The following CYP7B1 variants were observed in gnomAD, a reference collection of about 807,000 sequenced individuals.
CYP7B1 encodes cytochrome P450 family 7 subfamily B member 1.
In CYP7B1, 29 loss-of-function variants were observed where a neutral mutation model predicts 42.7. That is an observed-to-expected ratio of 0.68 (90% CI 0.51 to 0.93). The LOEUF is 0.93. CYP7B1 is among the 40% of genes least tolerant of loss of function. CYP7B1 has a pLI of 0.00. For missense variants in CYP7B1, 655 were observed against 600.5 expected (o/e 1.09, Z -0.95); for synonymous variants, 235 against 218.2 (o/e 1.08, Z -0.68).
chr8:64,789,429 C>A (rs1392020972), intron 1 of CYP7B1, among the ~76,000 whole-genome samples: 7 of 152,156 alleles, frequency 4.6e-5, no homozygotes, highest in Non-Finnish European at 7.3e-5. Context: ...CTTGATAAGG[C>A]AGTAAGAGTC....
chr8:64,714,653 A>G (rs921644210), intron 1 of CYP7B1, among the ~76,000 whole-genome samples: 1 of 152,196 alleles, frequency 6.6e-6, no homozygotes, highest in Non-Finnish European at 1.5e-5. Context: ...TCTAAGGTCA[A>G]TCCTCAGTGA....
At chr8:64,665,870 C>T (rs1374726583) in intron 1 of CYP7B1, among the ~76,000 whole-genome samples, 3 of 151,978 alleles carry the variant, frequency 2.0e-5, no homozygotes, top group Non-Finnish European at 4.4e-5. Context: ...GCCACCACGC[C>T]CTGCTTAAGT....
intron 1 of CYP7B1, among the ~76,000 whole-genome samples, chr8:64,791,163 A>G (rs1213693555): frequency 1.3e-5 from 2 of 152,206 alleles, no homozygotes; most frequent in Non-Finnish European, 2.9e-5. Flanking sequence ...ATATGAGACA[A>G]TAAATTTCTA....
At chr8:64,672,255 C>T (rs2129631713) in intron 1 of CYP7B1, among the ~76,000 whole-genome samples, 1 of 152,226 alleles carries the variant, frequency 6.6e-6, no homozygotes, top group East Asian at 1.9e-4. Flanking sequence ...TTACACCAAC[C>T]TGGAACTGGA....
At chr8:64,600,707 A>T (rs1805189141) in intron 5 of CYP7B1, among the ~76,000 whole-genome samples, 1 of 152,140 alleles carries the variant, frequency 6.6e-6, no homozygotes, top group Non-Finnish European at 1.5e-5. Flanking sequence ...TAGTAACATG[A>T]AATTGGCCAA....
chr8:64,612,961 GTAAC>G (rs1463420384), intron 4 of CYP7B1, among the ~76,000 whole-genome samples: 2 of 152,070 alleles, frequency 1.3e-5, no homozygotes, highest in East Asian at 3.9e-4. Context: ...TATTTGTTGT[GTAAC>G]TAATTCACAT....
At chr8:64,602,633 T>C (rs1805219629) in intron 5 of CYP7B1, among the ~76,000 whole-genome samples, 1 of 152,156 alleles carries the variant, frequency 6.6e-6, no homozygotes, top group Admixed American at 6.5e-5. Context: ...TCAAGGTATG[T>C]TGGATACAAA....
chr8:64,798,419 C>G, intron 1 of CYP7B1, 47 bp downstream of exon 1: 1 of 1,453,308 alleles, frequency 6.9e-7, no homozygotes, highest in Non-Finnish European at 9.0e-7. Context: ...CGCGCGCGGC[C>G]CGCGGGGCCC....
intron 1 of CYP7B1, among the ~76,000 whole-genome samples, chr8:64,659,865 A>G (rs1181161042): frequency 6.6e-6 from 1 of 152,186 alleles, no homozygotes; most frequent in Non-Finnish European, 1.5e-5. Context: ...AGTTTGTAAG[A>G]GATGTACAGG....
At chr8:64,687,622 G>A (rs1462270710) in intron 1 of CYP7B1, among the ~76,000 whole-genome samples, 1 of 152,176 alleles carries the variant, frequency 6.6e-6, no homozygotes, top group East Asian at 1.9e-4. Context: ...AAAACAAAAT[G>A]TGATAACACC....
downstream of CYP7B1, among the ~76,000 whole-genome samples, chr8:64,588,437 A>C (rs1363823902): frequency 6.6e-6 from 1 of 152,252 alleles, no homozygotes; most frequent in Non-Finnish European, 1.5e-5. Flanking sequence ...TCAATCTTAA[A>C]GATTTCATTT....
At chr8:64,674,127 A>C (rs1806407920) in intron 1 of CYP7B1, among the ~76,000 whole-genome samples, 1 of 152,116 alleles carries the variant, frequency 6.6e-6, no homozygotes, top group Non-Finnish European at 1.5e-5. Flanking sequence ...CTTCAACCTA[A>C]TTAACTTTGT....
At position 64,727,235 on chromosome 8, in the gene CYP7B1, T is replaced by C. The variant is rs1807337984; in HGVS notation, c.122+71231A>G. ...CAGTATTATAAAGGCTCTCAATTCA[T>C]TTTCCTTCATTTGAGAGCCTAAATT... On this transcript the variant is annotated intron_variant, in intron 1 of 5. Transcript: ENST00000310193. Among the ~76,000 whole-genome samples, 3 of 152,204 alleles carry C rather than the reference T, an allele frequency of 2.0e-5. No individual in the cohort carries two copies. The South Asian group carries it at 6.2e-4, about 32-fold the overall frequency.
chr8:64,615,129 C>A lies in CYP7B1; in HGVS notation c.954G>T (p.Val318=). 6.2e-7 allele frequency: 1 copy of A among 1,613,694 alleles called. No individual in the cohort carries two copies. The highest frequency in any genetic ancestry group is 8.5e-7 in the Non-Finnish European group (1 of 1,179,822). Residue 318 remains valine (V), a synonymous_variant, in exon 4 of 6, where the codon GTG becomes GTT. Coordinates refer to ENST00000310193, the MANE Select transcript of CYP7B1 (RefSeq NM_004820.5). ...GCAGCAAACGGTCAATTTCGTCACG[C>A]ACTGCTGCCATAGCTTCTGGGTGCC... ...LLRHPEAMAA[V]RDEIDRLLQS...
At chr8:64,587,646 T>A (rs1340103844), downstream of CYP7B1, 1 of 152,232 alleles carries the variant, frequency 6.6e-6, no homozygotes, top group South Asian at 2.1e-4. Flanking sequence ...ATTCTACTAA[T>A]TTTTCTAAAT....
At chr8:64,608,642 T>C (rs1174456272) in intron 4 of CYP7B1, among the ~76,000 whole-genome samples, 1 of 151,108 alleles carries the variant, frequency 6.6e-6, no homozygotes, top group African/African-American at 2.4e-5. Context: ...GTGGTGGTGG[T>C]TATAAAAGGG....
At chr8:64,669,790 A>G (rs1806338693) in intron 1 of CYP7B1, among the ~76,000 whole-genome samples, 1 of 152,066 alleles carries the variant, frequency 6.6e-6, no homozygotes, top group South Asian at 2.1e-4. Flanking sequence ...TTCTTATGTA[A>G]TCATTATTTT....
At position 64,596,327 on chromosome 8, in the gene CYP7B1, C is replaced by T. The variant is rs1032112795; in HGVS notation, c.*315G>A. ...TTGAGTGATTTAAATTCCACAGTGC[C>T]CAATCTATTGGTGTGAAGGTACATT... On this transcript the variant is annotated 3_prime_UTR_variant, in exon 6 of 6. Coordinates refer to ENST00000310193, the MANE Select transcript of CYP7B1 (RefSeq NM_004820.5). 4.5e-6 allele frequency: 1 copy of T among 223,948 alleles called. No homozygotes were observed. The highest frequency in any genetic ancestry group is 2.3e-5 in the African/African-American group (1 of 43,492). The allele number at this position is 223,948 out of a possible 1,614,324, so 13.9% of individuals were successfully genotyped here. A position where few individuals can be genotyped will look rare whatever the true frequency, so the allele number is the denominator to read the frequency against.
chr8:64,618,590 T>TTC (rs1227573176), intron 2 of CYP7B1, among the ~76,000 whole-genome samples: 2 of 38,930 alleles, frequency 5.1e-5, no homozygotes, highest in Non-Finnish European at 1.2e-4. Context: ...CTCTCTCTCT[T>TTC]TCTCTCTCTC....
Sources: gnomAD v4.1 joint callset for allele counts (sites outside exome capture counted in the v4.1 genomes callset) on GRCh38, gnomAD v4.1.1 for gene constraint, MANE v1.5 for transcripts, NCBI Gene and HGNC (gene_info 2026-07-23, HGNC 2026-07-21) for gene names.